Variants in NEIL1 observed in about 807,000 individuals in gnomAD.
NEIL1 encodes nei like DNA glycosylase 1.
NEIL1 carries 31 observed loss-of-function variants against 44.2 expected under a neutral mutation model. The ratio of observed to expected loss-of-function variants is 0.70; its 90% CI spans 0.53 to 0.95. The LOEUF is 0.95. Ranked by LOEUF, NEIL1 falls within the 40% of genes least tolerant of loss-of-function variation. NEIL1 has a pLI of 0.00. For missense variants in NEIL1, 549 were observed against 515.5 expected, an observed-to-expected ratio of 1.07 and a Z score of -0.63; for synonymous variants, 254 against 209.7, an observed-to-expected ratio of 1.21 and a Z score of -1.83.
rs1159018078 is a variant in NEIL1, at chr15:75,347,311, C to T, written c.-185C>T. 6.6e-6 allele frequency: 1 copy of T among 152,310 alleles called. No homozygotes were observed. Among genetic ancestry groups the T allele is most frequent in the East Asian group, 1.9e-4 (1 of 5,200 alleles). The allele number at this position is 152,310 out of a possible 1,614,324, so 9.4% of individuals were successfully genotyped here. On this transcript the variant is annotated 5_prime_UTR_variant, in exon 1 of 10. Transcript: ENST00000355059. ...AGCTGCAGGCGACTCCGCTCTGGCTCGTCGCTGCTGTTTCCTGCTGGGGGT... is the reference window on the plus strand; with the variant it reads ...AGCTGCAGGCGACTCCGCTCTGGCTTGTCGCTGCTGTTTCCTGCTGGGGGT...
In NEIL1 at chr15:75,352,215, C is replaced by G. The variant is rs2071958256; in HGVS notation, c.539C>G (p.Ala180Gly). 1 of 1,614,146 alleles carries G rather than the reference C, an allele frequency of 6.2e-7. No homozygotes were observed. Among genetic ancestry groups the G allele is most frequent in the African/African-American group, 1.3e-5 (1 of 74,958 alleles). ...FFNGIGNYLRAEILYRLKIPP... is the reference protein window; with the variant it reads ...FFNGIGNYLRGEILYRLKIPP... ...AATGGCATTGGCAACTATCTGCGGG[C>G]AGAGATCCTGTACCGGTCAGCAAGC... Residue 180 changes from alanine (A) to glycine (G), a missense_variant, in exon 3 of 10, where the codon GCA (alanine) becomes GGA (glycine). Ala to Gly is a moderately conservative substitution (Grantham distance 60). Coordinates refer to ENST00000355059, the MANE Select transcript of NEIL1 (RefSeq NM_024608.4).
intron 4 of NEIL1, 68 bp from the exon 5 acceptor site, chr15:75,352,534 A>G: frequency 6.4e-7 from 1 of 1,556,526 alleles, no homozygotes; most frequent in Non-Finnish European, 8.8e-7. Flanking sequence ...GACCAAGCTC[A>G]GAGAGAAGGT....
At chr15:75,353,977 G>A in intron 6 of NEIL1, 111 bp downstream of exon 6, 6 of 1,416,578 alleles carry the variant, frequency 4.2e-6, no homozygotes, top group Non-Finnish European at 5.8e-6. Flanking sequence ...ACCCTCCAAG[G>A]ACCACACTGT....
chr15:75,353,905 G>A (rs2072132976), intron 6 of NEIL1, 39 bp downstream of exon 6: 1 of 1,609,828 alleles, frequency 6.2e-7, no homozygotes, highest in Non-Finnish European at 8.5e-7. Context: ...GACCCCAGGA[G>A]GCTGATGGGT....
At position 75,356,326 on chromosome 15, in the gene NEIL1, G is replaced by GTTTC. The variant is rs2072297471; in HGVS notation, c.*1292_*1293insTTTC. 1.9e-6 allele frequency: 3 copies of GTTTC among 1,612,010 alleles called. No homozygotes were observed. Among genetic ancestry groups the GTTTC allele is most frequent in the Non-Finnish European group, 2.5e-6 (3 of 1,179,402 alleles). ...CTGCTTGACGGTCTCCAATACGACC[G>GTTTC]CGGGTGAAGACACGGAAAACGCACT... is the stretch of plus-strand genomic sequence containing the variant. On this transcript the variant is annotated 3_prime_UTR_variant, in exon 10 of 10. Coordinates refer to ENST00000355059, the MANE Select transcript of NEIL1 (RefSeq NM_024608.4). The surrounding 1 kb of genome is among the most constrained non-coding windows in gnomAD (Gnocchi z 5.8).
chr15:75,354,598 C>T (rs979968131), intron 8 of NEIL1, 55 bp from the exon 9 acceptor site: 104 of 1,613,322 alleles, frequency 6.4e-5, no homozygotes, highest in Non-Finnish European at 8.6e-5. Flanking sequence ...TGGGCCCTAA[C>T]CAACCTCTGA....
In NEIL1 at chr15:75,349,098, G is replaced by A; in HGVS notation, c.193G>A (p.Gly65Arg). Reference protein sequence around the residue: ...ELRLILSPLPGAQPQQEPLAL... With the variant: ...ELRLILSPLPRAQPQQEPLAL... ...GCGCCTGATACTGAGCCCTCTGCCT[G>A]GGGCCCAGCCCCAACAGGAGCCACT... The change falls in exon 2 of 10, where the codon GGG becomes AGG. Residue 65 changes from glycine to arginine, a missense_variant. Physicochemically the swap from Gly to Arg is moderately radical, Grantham distance 125. Transcript: ENST00000355059. 6.2e-7 allele frequency: 1 copy of A among 1,612,282 alleles called. No individual in the cohort carries two copies. Among genetic ancestry groups the A allele is most frequent in the Non-Finnish European group, 8.5e-7 (1 of 1,179,926 alleles).
chr15:75,356,451 T>A lies in NEIL1; in HGVS notation c.*1417T>A. 6.3e-7 allele frequency: 1 copy of A among 1,595,648 alleles called. No homozygotes were observed. The highest frequency in any genetic ancestry group is 8.5e-7 in the Non-Finnish European group (1 of 1,172,430). The stretch of plus-strand genomic sequence containing the variant: ...TAACGCCAGCATCCTGGAAAGAGCC[T>A]GGGGTACGACCAGGAAACAATGCTG... On this transcript the variant is annotated 3_prime_UTR_variant, in exon 10 of 10. Transcript: ENST00000355059. The surrounding 1 kb of genome is among the most constrained non-coding windows in gnomAD (Gnocchi z 5.8).
chr15:75,349,985 GC>G (rs1175360215), intron 2 of NEIL1, among the ~76,000 whole-genome samples: 1 of 152,228 alleles, frequency 6.6e-6, no homozygotes, highest in African/African-American at 2.4e-5. Context: ...AGGTGGAGGG[GC>G]TTTAATATGG....
At chr15:75,347,864 C>A (rs1464366941) in intron 1 of NEIL1, 1 of 1,192,168 alleles carries the variant, frequency 8.4e-7, no homozygotes, top group Non-Finnish European at 1.1e-6. Flanking sequence ...TCCCGCAAAA[C>A]GAGCCCTGTG....
intron 1 of NEIL1, chr15:75,348,564 C>T: frequency 8.3e-7 from 1 of 1,204,304 alleles, no homozygotes; most frequent in Non-Finnish European, 1.0e-6. Flanking sequence ...TGAGGGGAGC[C>T]GGGAAGAAGT....
At chr15:75,348,249 C>A in intron 1 of NEIL1, 1 of 888,492 alleles carries the variant, frequency 1.1e-6, no homozygotes, top group Non-Finnish European at 1.3e-6. Flanking sequence ...GTGGGGCAGG[C>A]CCGGTTCTCG....
Position 75,352,236 on chromosome 15 carries a change from C to T in NEIL1, c.554+6C>T, listed in dbSNP as rs775439087. 1.2e-5 allele frequency: 20 copies of T among 1,614,136 alleles called. 1 individual carries two copies. In the South Asian group the frequency reaches 2.2e-4, roughly 18 times the overall value. On this transcript the variant is annotated splice_donor_region_variant and intron_variant, in intron 3 of 9. Coordinates refer to ENST00000355059, the MANE Select transcript of NEIL1 (RefSeq NM_024608.4). ...CGGGCAGAGATCCTGTACCGGTCAG[C>T]AAGCAGGCATGGGCATGGGGACTGC... is the stretch of plus-strand genomic sequence containing the variant.
At position 75,352,106 on chromosome 15, in the gene NEIL1, T is replaced by C. The variant is rs1300699655; in HGVS notation, c.435-5T>C. ...GTCTTACGCACCCAGACCGTGTTCC[T>C]CCAGGGAGAATGTGCTACGAAACCT... On this transcript the variant is annotated splice_region_variant and splice_polypyrimidine_tract_variant and intron_variant, in intron 2 of 9. Transcript: ENST00000355059. 1 of 1,614,002 alleles carries C rather than the reference T, an allele frequency of 6.2e-7. No homozygotes were observed. The highest frequency in any genetic ancestry group is 1.3e-5 in the African/African-American group (1 of 74,934).
chr15:75,356,180 G>A lies in NEIL1; in HGVS notation c.*1146G>A, dbSNP rs757156973. ...ACGTGGCTGCCGTGGGCCTCATACAGCCTCAGGACCAGCGAGCGGCGCTGG... is the reference window on the plus strand; with the variant it reads ...ACGTGGCTGCCGTGGGCCTCATACAACCTCAGGACCAGCGAGCGGCGCTGG... On this transcript the variant is annotated 3_prime_UTR_variant, in exon 10 of 10. Transcript: ENST00000355059. The surrounding 1 kb of genome is among the most constrained non-coding windows in gnomAD (Gnocchi z 5.8). 8 of 1,613,610 alleles carry A rather than the reference G, an allele frequency of 5.0e-6. No individual in the cohort carries two copies. In the South Asian group the frequency reaches 8.8e-5, roughly 18 times the overall value.
In NEIL1 at chr15:75,356,425, A is replaced by G. The variant is rs772928280; in HGVS notation, c.*1391A>G. 5.0e-6 allele frequency: 8 copies of G among 1,606,370 alleles called. No individual in the cohort carries two copies. The East Asian group carries it at 1.8e-4, about 36-fold the overall frequency. On this transcript the variant is annotated 3_prime_UTR_variant, in exon 10 of 10. Coordinates refer to ENST00000355059, the MANE Select transcript of NEIL1 (RefSeq NM_024608.4). This position sits in a 1 kb window ranked among gnomAD's most constrained non-coding sequence, Gnocchi z 5.8. ...GAAGTTTAGGCTGTAGGCAGCTTGG[A>G]TAACGCCAGCATCCTGGAAAGAGCC...
intron 5 of NEIL1, chr15:75,353,224 TACACAC>T (rs10653888): frequency 3.7e-4 from 61 of 162,920 alleles, no homozygotes; most frequent in African/African-American, 1.3e-3. Context: ...TATATATTTA[TACACAC>T]ACACACACAC....
chr15:75,348,531 A>C, intron 1 of NEIL1: 1 of 1,142,248 alleles, frequency 8.8e-7, no homozygotes. Context: ...AGCAGGGGCC[A>C]AGGCGGAGAT....
intron 5 of NEIL1, chr15:75,353,463 G>A: frequency 4.3e-6 from 2 of 460,852 alleles, no homozygotes; most frequent in Middle Eastern, 6.7e-4. Flanking sequence ...TGGCCCCTAG[G>A]GATTCTCCCA....
Sources: gnomAD v4.1 joint callset for allele counts (sites outside exome capture counted in the v4.1 genomes callset) on GRCh38, gnomAD v4.1.1 for gene constraint, Gnocchi (gnomAD v3.1) non-coding constraint, MANE v1.5 for transcripts, NCBI Gene and HGNC (gene_info 2026-07-23, HGNC 2026-07-21) for gene names.